DDB2: variants seen among roughly 807,000 people sequenced by gnomAD.
DDB2 encodes the protein damage specific DNA binding protein 2.
In DDB2, 27 loss-of-function variants were observed where a neutral mutation model predicts 50.5. The ratio of observed to expected loss-of-function variants is 0.53; its 90% CI spans 0.39 to 0.74. The LOEUF is 0.74. Among genes scored for constraint, DDB2 ranks in the 30% least tolerant of loss-of-function variants. The probability of loss-of-function intolerance (pLI) is 0.00; values close to 1 mark genes in which losing one functional copy is unlikely to be tolerated. For synonymous variants in DDB2, 176 were observed against 205.5 expected (o/e 0.86, Z 1.23); for missense variants, 424 against 545.6 (o/e 0.78, Z 2.22).
In DDB2 at chr11:47,229,391, G is replaced by A. The variant is rs182906461; in HGVS notation, c.457-3423G>A. On this transcript the variant is annotated intron_variant, in intron 3 of 9. Coordinates refer to ENST00000256996, the MANE Select transcript of DDB2 (RefSeq NM_000107.3). ...TTGCATGGAGAGGGGCGGCCGTGGC[G>A]CCTGATGTGGGCAAGGAAGTTGTGT... is the stretch of plus-strand genomic sequence containing the variant. 1.9e-3 allele frequency among the ~76,000 whole-genome samples: 284 copies of A among 152,240 alleles called. 1 individual carries two copies. The highest frequency in any genetic ancestry group is 6.1e-3 in the African/African-American group (255 of 41,542).
intron 3 of DDB2, among the ~76,000 whole-genome samples, chr11:47,227,572 G>A (rs966608175): frequency 1.6e-4 from 23 of 140,808 alleles, no homozygotes; most frequent in East Asian, 1.1e-3. Flanking sequence ...GTGCAATGGC[G>A]CAATCTTGGC....
intron 3 of DDB2, among the ~76,000 whole-genome samples, chr11:47,226,524 T>G (rs1953559810): frequency 6.6e-6 from 1 of 152,104 alleles, no homozygotes; most frequent in South Asian, 2.1e-4. Context: ...TCATTTGCCT[T>G]GGCCTCCCAA....
chr11:47,236,532 C>G (rs371788427), intron 7 of DDB2, among the ~76,000 whole-genome samples: 1 of 152,138 alleles, frequency 6.6e-6, no homozygotes, highest in Admixed American at 6.5e-5. Flanking sequence ...GCAGCCAGAC[C>G]CCCCGGGTTA....
chr11:47,236,318 CTT>C (rs1953726283), intron 7 of DDB2, among the ~76,000 whole-genome samples: 2 of 152,200 alleles, frequency 1.3e-5, no homozygotes, highest in African/African-American at 4.8e-5. Context: ...TTCTCAGGCT[CTT>C]GTTAATAGCT....
At chr11:47,238,605 A>C (rs1953783987) in intron 9 of DDB2, among the ~76,000 whole-genome samples, 195 bp from the exon 10 acceptor site, 1 of 152,050 alleles carries the variant, frequency 6.6e-6, no homozygotes, top group African/African-American at 2.4e-5. Flanking sequence ...TCACCGTGTT[A>C]GCCAGGATGG....
intron 1 of DDB2, chr11:47,215,822 G>C (rs562540812): frequency 3.8e-6 from 1 of 265,296 alleles, no homozygotes; most frequent in African/African-American, 2.2e-5. Flanking sequence ...AATACAGTTT[G>C]GTGATCAGGA....
chr11:47,238,703 A>C, intron 9 of DDB2, 97 bp from the exon 10 acceptor site: 1 of 1,382,600 alleles, frequency 7.2e-7, no homozygotes, highest in Non-Finnish European at 1.0e-6. Context: ...CGGCCTTCCT[A>C]GTATTTCTTT....
At chr11:47,232,485 TAAAA>T (rs11422980) in intron 3 of DDB2, among the ~76,000 whole-genome samples, 3 of 146,162 alleles carry the variant, frequency 2.1e-5, no homozygotes, top group African/African-American at 7.6e-5. Context: ...AACCCCATCT[TAAAA>T]AAAAAAAATA....
At chr11:47,230,154 T>C (rs1278289139) in intron 3 of DDB2, among the ~76,000 whole-genome samples, 2 of 143,180 alleles carry the variant, frequency 1.4e-5, no homozygotes, top group Non-Finnish European at 1.5e-5. Context: ...AAAAAAAAAA[T>C]TGGTGACACA....
intron 1 of DDB2, 110 bp downstream of exon 1, chr11:47,215,373 G>C: frequency 6.4e-7 from 1 of 1,560,804 alleles, no homozygotes; most frequent in Non-Finnish European, 8.7e-7. Context: ...GCAGGTCACG[G>C]GTGCCTCCGG....
At chr11:47,226,711 G>A (rs1035363122) in intron 3 of DDB2, among the ~76,000 whole-genome samples, 1 of 148,800 alleles carries the variant, frequency 6.7e-6, no homozygotes, top group African/African-American at 2.5e-5. Flanking sequence ...TTCTTTGAAG[G>A]AATGTCTATT....
intron 3 of DDB2, chr11:47,229,652 C>A (rs995528327): frequency 1.2e-5 from 3 of 259,706 alleles, no homozygotes; most frequent in African/African-American, 4.6e-5. Context: ...AAACTCGAAT[C>A]AACTCTGTGG....
chr11:47,230,191 T>G (rs2135504999), intron 3 of DDB2, among the ~76,000 whole-genome samples: 1 of 151,848 alleles, frequency 6.6e-6, no homozygotes, highest in East Asian at 1.9e-4. Context: ...CACCAGCTAC[T>G]TGGGAGGCTG....
intron 2 of DDB2, 133 bp from the exon 3 acceptor site, chr11:47,216,725 C>A: frequency 9.6e-7 from 1 of 1,042,450 alleles, no homozygotes; most frequent in Non-Finnish European, 1.5e-6. Context: ...TATTTTCATG[C>A]ACAGGGCAGG....
chr11:47,221,134 G>T (rs779609607), intron 3 of DDB2, among the ~76,000 whole-genome samples: 10 of 151,988 alleles, frequency 6.6e-5, no homozygotes, highest in Non-Finnish European at 1.3e-4. Context: ...CTGCACTCCA[G>T]CCTGGGCGAC....
chr11:47,216,206 T>C, intron 1 of DDB2, 130 bp from the exon 2 acceptor site: 1 of 1,401,714 alleles, frequency 7.1e-7, no homozygotes, highest in Non-Finnish European at 1.0e-6. Flanking sequence ...CACACAGACA[T>C]GGAAAGGCCG....
chr11:47,238,276 C>T (rs1953772325), intron 9 of DDB2, 93 bp downstream of exon 9: 1 of 1,158,984 alleles, frequency 8.6e-7, no homozygotes, highest in South Asian at 1.3e-5. Flanking sequence ...CTGCCACATT[C>T]ACCCCAGGGC....
In DDB2 at chr11:47,238,809, T is replaced by C. The variant is rs1953790873; in HGVS notation, c.1244T>C (p.Ile415Thr). ...DTLASAMGYH[I>T]LIWSQEEART... ...GTCTCACTCTTCCTAGGTTACCACA[T>C]TCTCATCTGGAGCCAGGAGGAAGCC... is the stretch of plus-strand genomic sequence containing the variant. The change falls in exon 10 of 10, where the codon ATT becomes ACT. Residue 415 changes from isoleucine to threonine, a missense_variant. Physicochemically the swap from Ile to Thr is moderately conservative, Grantham distance 89 (BLOSUM62 -1). Transcript: ENST00000256996. 1 of 1,613,638 alleles carries C rather than the reference T, an allele frequency of 6.2e-7. No homozygotes were observed.
chr11:47,227,908 G>A (rs1211746013), intron 3 of DDB2, among the ~76,000 whole-genome samples: 1 of 151,824 alleles, frequency 6.6e-6, no homozygotes, highest in Non-Finnish European at 1.5e-5. Context: ...TTGGGAGGCC[G>A]AGGGGGTCGG....
Sources: gnomAD v4.1 joint callset for allele counts (sites outside exome capture counted in the v4.1 genomes callset) on GRCh38, gnomAD v4.1.1 for gene constraint, MANE v1.5 for transcripts, NCBI Gene and HGNC (gene_info 2026-07-23, HGNC 2026-07-21) for gene names.